PLIN3: variants seen among roughly 807,000 people sequenced by gnomAD.
The protein encoded by PLIN3 is perilipin 3, also known as perilipin-3.
In PLIN3, 30 loss-of-function variants were observed where a neutral mutation model predicts 35.9. The observed-to-expected ratio is 0.84, with a 90% CI of 0.62 to 1.13. The LOEUF is 1.13. Ranked by LOEUF, PLIN3 falls within the 50% of genes most tolerant of loss-of-function variation. The pLI is 0.00. For synonymous variants in PLIN3, 261 were observed against 262.5 expected, an observed-to-expected ratio of 0.99 and a Z score of 0.06; for missense variants, 603 against 596.9, an observed-to-expected ratio of 1.01 and a Z score of -0.11.
At chr19:4,863,801 C>T (rs907304083) in intron 1 of PLIN3, among the ~76,000 whole-genome samples, 2 of 148,024 alleles carry the variant, frequency 1.4e-5, no homozygotes, top group African/African-American at 5.0e-5. Context: ...GCACTCCAGC[C>T]TGGGTGACAG....
chr19:4,865,490 A>G (rs1303674722), intron 1 of PLIN3, among the ~76,000 whole-genome samples: 1 of 148,616 alleles, frequency 6.7e-6, no homozygotes, highest in African/African-American at 2.5e-5. Context: ...CTCCGTTTCA[A>G]AAAAAAAAAA....
intron 4 of PLIN3, among the ~76,000 whole-genome samples, chr19:4,855,239 G>A (rs1262772622): frequency 9.8e-6 from 1 of 102,352 alleles, no homozygotes; most frequent in Non-Finnish European, 1.8e-5. Flanking sequence ...AACAGAACGA[G>A]ACTCCATCTG....
chr19:4,843,555 G>A (rs2029982320), intron 7 of PLIN3, among the ~76,000 whole-genome samples: 1 of 132,842 alleles, frequency 7.5e-6, no homozygotes, highest in Non-Finnish European at 1.7e-5. Flanking sequence ...TCTGGGGTCG[G>A]GTGTGGTGGC....
At position 4,839,431 on chromosome 19, in the gene PLIN3, T is replaced by C. The variant is rs571398986; in HGVS notation, c.1066A>G (p.Lys356Glu). 9.8e-5 allele frequency: 157 copies of C among 1,603,844 alleles called. 1 individual carries two copies. The South Asian group carries it at 1.6e-3, about 17-fold the overall frequency. The stretch of plus-strand genomic sequence containing the variant: ...CGGCGGGCCTGCTGCACCTGGTCCT[T>C]CACATTGGTGGGGAGGCCCTGAATG... ...SSIQGLPTNV[K>E]DQVQQARRQV... The change falls in exon 8 of 8, where the codon AAG becomes GAG. Residue 356 changes from lysine (K) to glutamate (E), a missense_variant. Physicochemically the swap from Lys to Glu is moderately conservative, Grantham distance 56 (BLOSUM62 1). Coordinates refer to ENST00000221957, the MANE Select transcript of PLIN3 (RefSeq NM_005817.5).
intron 1 of PLIN3, among the ~76,000 whole-genome samples, chr19:4,862,899 C>T (rs2030720390): frequency 6.6e-6 from 1 of 152,184 alleles, no homozygotes; most frequent in Non-Finnish European, 1.5e-5. Context: ...TGGCTCACGC[C>T]TGTAATCCCA....
At position 4,858,535 on chromosome 19, in the gene PLIN3, G is replaced by A. The variant is rs532877819; in HGVS notation, c.348+1055C>T. 4.6e-4 allele frequency among the ~76,000 whole-genome samples: 66 copies of A among 144,208 alleles called. No individual in the cohort carries two copies. In the South Asian group the frequency reaches 0.01, roughly 22 times the overall value. 94.6% of individuals were successfully genotyped at this position (144,208 alleles called of 152,430 possible). A position where few individuals can be genotyped will look rare whatever the true frequency, so the allele number is the denominator to read the frequency against. On this transcript the variant is annotated intron_variant, in intron 4 of 7. Coordinates refer to ENST00000221957, the MANE Select transcript of PLIN3 (RefSeq NM_005817.5). ...TAGGACTACAGGCACACGCCACCAC[G>A]CCAAGCTAATTTTTTTTTTTGTAGT...
At chr19:4,844,907 A>G (rs1017332369) in intron 6 of PLIN3, 114 bp from the exon 7 acceptor site, 1 of 1,259,486 alleles carries the variant, frequency 7.9e-7, no homozygotes, top group Non-Finnish European at 1.1e-6. Context: ...TCTAGAAAAG[A>G]GAAAGGGAGG....
chr19:4,857,444 T>A (rs1362730291), intron 4 of PLIN3, among the ~76,000 whole-genome samples: 1 of 151,774 alleles, frequency 6.6e-6, no homozygotes, highest in Non-Finnish European at 1.5e-5. Flanking sequence ...GGTGCATGCC[T>A]GTGGTCCCAG....
intron 7 of PLIN3, 104 bp downstream of exon 7, chr19:4,844,564 C>G: frequency 7.9e-7 from 1 of 1,260,998 alleles, no homozygotes; most frequent in Non-Finnish European, 1.1e-6. Flanking sequence ...GCAGGTGAGG[C>G]TAGGGAAATC....
chr19:4,855,840 G>T (rs963102817), intron 4 of PLIN3, among the ~76,000 whole-genome samples: 1 of 151,434 alleles, frequency 6.6e-6, no homozygotes, highest in African/African-American at 2.4e-5. Flanking sequence ...TGGGAGGATT[G>T]CCTAAGTCTA....
At chr19:4,843,940 T>C (rs1242602236) in intron 7 of PLIN3, among the ~76,000 whole-genome samples, 1 of 152,210 alleles carries the variant, frequency 6.6e-6, no homozygotes, top group South Asian at 2.1e-4. Flanking sequence ...ATTCACAAGG[T>C]TGGGCAAATA....
intron 7 of PLIN3, 130 bp from the exon 8 acceptor site, chr19:4,839,666 A>AAT: frequency 1.6e-6 from 1 of 608,198 alleles, no homozygotes; most frequent in Non-Finnish European, 2.5e-6. Context: ...CATAGGCGAA[A>AAT]CTTTTTTTTT....
At chr19:4,843,510 A>AAAAAAAAAAAATAAATAAATAAAT (rs1555733213) in intron 7 of PLIN3, among the ~76,000 whole-genome samples, 1 of 139,530 alleles carries the variant, frequency 7.2e-6, no homozygotes, top group Non-Finnish European at 1.5e-5. Flanking sequence ...TCCATCTCAA[A>AAAAAAAAAAAATAAATAAATAAAT]AAATAAATAA....
chr19:4,839,554 G>C lies in PLIN3; in HGVS notation c.961-18C>G. 2 of 1,497,334 alleles carry C rather than the reference G, an allele frequency of 1.3e-6. No homozygotes were observed. Among genetic ancestry groups the C allele is most frequent in the Non-Finnish European group, 1.8e-6 (2 of 1,119,436 alleles). 92.8% of individuals were successfully genotyped at this position (1,497,334 alleles called of 1,614,324 possible). On this transcript the variant is annotated intron_variant, in intron 7 of 7. Transcript: ENST00000221957. ...TCGACCTGCTGAGAAGGGAGATGGG[G>C]ACACCAATCAGGACCATTTGTTTCA...
At chr19:4,843,507 C>CAAAA (rs1177137897) in intron 7 of PLIN3, among the ~76,000 whole-genome samples, 11 of 39,444 alleles carry the variant, frequency 2.8e-4, no homozygotes, top group Non-Finnish European at 5.0e-4. Context: ...GACTCCATCT[C>CAAAA]AAAAAATAAA....
At chr19:4,854,810 CAA>C (rs2030419495) in intron 4 of PLIN3, among the ~76,000 whole-genome samples, 1 of 152,008 alleles carries the variant, frequency 6.6e-6, no homozygotes, top group South Asian at 2.1e-4. Context: ...TTGCACCTCT[CAA>C]AAAGTCAAGA....
At chr19:4,843,993 A>G (rs1041978450) in intron 7 of PLIN3, among the ~76,000 whole-genome samples, 8 of 152,180 alleles carry the variant, frequency 5.3e-5, no homozygotes, top group Non-Finnish European at 7.3e-5. Flanking sequence ...TTTTTGAGAC[A>G]GAATCTCCTT....
intron 6 of PLIN3, among the ~76,000 whole-genome samples, chr19:4,846,321 A>G (rs2030095293): frequency 1.1e-5 from 1 of 88,744 alleles, no homozygotes; most frequent in Non-Finnish European, 2.7e-5. Flanking sequence ...GTCTCTGGAA[A>G]AAAAAAAAAA....
intron 1 of PLIN3, 110 bp from the exon 2 acceptor site, chr19:4,861,521 C>A: frequency 1.4e-6 from 1 of 711,980 alleles, no homozygotes; most frequent in South Asian, 1.6e-5. Context: ...CCATGACTTA[C>A]AGCTGTGTCT....
Sources: gnomAD v4.1 joint callset for allele counts (sites outside exome capture counted in the v4.1 genomes callset) on GRCh38, gnomAD v4.1.1 for gene constraint, MANE v1.5 for transcripts, NCBI Gene and HGNC (gene_info 2026-07-23, HGNC 2026-07-21) for gene names.